ATRNL1: variants seen among roughly 807,000 people sequenced by gnomAD.
ATRNL1 encodes the protein attractin like 1.
In ATRNL1, 95 loss-of-function variants were observed where a neutral mutation model predicts 182.7. The observed-to-expected ratio is 0.52, with a 90% CI of 0.44 to 0.62. The LOEUF (loss-of-function observed/expected upper bound fraction) is 0.62. Among genes scored for constraint, ATRNL1 ranks in the 20% least tolerant of loss-of-function variants. The pLI is 0.00. For missense variants in ATRNL1, 1,471 were observed against 1,679.5 expected (o/e 0.88, Z 2.17); for synonymous variants, 576 against 568.3 (o/e 1.01, Z -0.19).
intron 26 of ATRNL1, among the ~76,000 whole-genome samples, chr10:115,644,402 C>A (rs190746567): frequency 3.3e-5 from 5 of 152,234 alleles, no homozygotes; most frequent in African/African-American, 1.2e-4. Flanking sequence ...GTTCTCACGA[C>A]AATATTGTAT....
intron 19 of ATRNL1, among the ~76,000 whole-genome samples, chr10:115,349,301 A>G (rs1554940597): frequency 6.6e-6 from 1 of 152,198 alleles, no homozygotes; most frequent in Non-Finnish European, 1.5e-5. Context: ...CATTCTTTTT[A>G]ATGGTGGAAT....
At chr10:115,513,023 A>G (rs2065825) in intron 24 of ATRNL1, among the ~76,000 whole-genome samples, 64,349 of 151,822 alleles carry the variant, frequency 0.42, 14,648 homozygotes, top group Middle Eastern at 0.55. Flanking sequence ...TTCTTAAAAC[A>G]TTATGAGATT....
In ATRNL1 at chr10:115,493,483, T is replaced by A. The variant is rs570177591; in HGVS notation, c.3654+24154T>A. 4.6e-5 allele frequency among the ~76,000 whole-genome samples: 7 copies of A among 152,356 alleles called. No individual in the cohort carries two copies. The South Asian group carries it at 1.5e-3, about 32-fold the overall frequency. On this transcript the variant is annotated intron_variant, in intron 24 of 28. Transcript: ENST00000355044. ...TGGCTGTATAGTATTCTATAGTGTA[T>A]ACGTACCACTTTTTCTTTATCCAGC...
chr10:115,237,659 C>G (rs1277843567), intron 9 of ATRNL1, among the ~76,000 whole-genome samples: 3 of 152,118 alleles, frequency 2.0e-5, no homozygotes, highest in Non-Finnish European at 2.9e-5. Flanking sequence ...AATATGTTCT[C>G]CCAGACTGTG....
chr10:115,900,293 A>C (rs907918809), intron 28 of ATRNL1, among the ~76,000 whole-genome samples: 3 of 149,308 alleles, frequency 2.0e-5, no homozygotes, highest in Non-Finnish European at 4.4e-5. Context: ...AGGTAATATC[A>C]TAAAACATTT....
chr10:115,148,604 A>C (rs547952034), intron 5 of ATRNL1, among the ~76,000 whole-genome samples: 20 of 152,292 alleles, frequency 1.3e-4, no homozygotes, highest in African/African-American at 4.8e-4. Flanking sequence ...GTTGTCTCGC[A>C]CTAAGGAAAT....
intron 26 of ATRNL1, among the ~76,000 whole-genome samples, chr10:115,665,726 G>T (rs1860961334): frequency 6.6e-6 from 1 of 152,126 alleles, no homozygotes; most frequent in Admixed American, 6.6e-5. Flanking sequence ...TTTGACCACT[G>T]TTGCTCATCC....
intron 3 of ATRNL1, among the ~76,000 whole-genome samples, chr10:115,125,950 T>G (rs1264061893): frequency 6.6e-6 from 1 of 152,262 alleles, no homozygotes; most frequent in Non-Finnish European, 1.5e-5. Context: ...TTTTACTAGA[T>G]TTCAGTTGGT....
intron 15 of ATRNL1, among the ~76,000 whole-genome samples, chr10:115,287,359 T>C (rs1554919288): frequency 1.3e-5 from 2 of 152,076 alleles, no homozygotes; most frequent in African/African-American, 4.8e-5. Flanking sequence ...TTACAATTTT[T>C]ACTATTTCCA....
intron 27 of ATRNL1, among the ~76,000 whole-genome samples, chr10:115,737,277 C>G (rs1383396956): frequency 1.3e-5 from 2 of 149,770 alleles, no homozygotes; most frequent in African/African-American, 2.5e-5. Context: ...CATCCCCCCC[C>G]CCCAAAAAAA....
At position 115,944,998 on chromosome 10, in the gene ATRNL1, A is replaced by G. The variant is rs1953843861; in HGVS notation, c.*219A>G. 1 of 371,784 alleles carries G rather than the reference A, an allele frequency of 2.7e-6. No individual in the cohort carries two copies. The allele number at this position is 371,784 out of a possible 1,614,324, so 23.0% of individuals were successfully genotyped here. The stretch of plus-strand genomic sequence containing the variant: ...GGTGATAAAGTCAGTTTTTACCACT[A>G]TCTTAGGCTTATTATAGCTAACATT... On this transcript the variant is annotated 3_prime_UTR_variant, in exon 29 of 29. Coordinates refer to ENST00000355044, the MANE Select transcript of ATRNL1 (RefSeq NM_207303.4).
chr10:115,108,354 A>T (rs1268646074), intron 1 of ATRNL1, among the ~76,000 whole-genome samples: 1 of 152,154 alleles, frequency 6.6e-6, no homozygotes, highest in African/African-American at 2.4e-5. Context: ...GGACACACAC[A>T]AGGGGTTTAG....
chr10:115,126,301 G>T (rs1243134375), intron 3 of ATRNL1, among the ~76,000 whole-genome samples: 1 of 152,070 alleles, frequency 6.6e-6, no homozygotes, highest in East Asian at 1.9e-4. Context: ...CTCGTTATCC[G>T]CCTGCCTCCA....
chr10:115,944,744 A>G lies in ATRNL1; in HGVS notation c.4105A>G (p.Lys1369Glu), dbSNP rs1555125090. ...TAAGACTTCTGGAGTCCGGAATCGA[A>G]AACACCTTTCAACACGTCAAGGAAC... is the stretch of plus-strand genomic sequence containing the variant. ...KDKTSGVRNR[K>E]HLSTRQGTCV The change falls in exon 29 of 29, where the codon AAA becomes GAA. Residue 1369 changes from lysine to glutamate, a missense_variant. Transcript: ENST00000355044. 11 of 1,613,762 alleles carry G rather than the reference A, an allele frequency of 6.8e-6. No homozygotes were observed. Among genetic ancestry groups the G allele is most frequent in the Non-Finnish European group, 9.3e-6 (11 of 1,179,742 alleles).
At chr10:115,809,214 C>T (rs1949991695) in intron 27 of ATRNL1, among the ~76,000 whole-genome samples, 1 of 152,072 alleles carries the variant, frequency 6.6e-6, no homozygotes, top group Non-Finnish European at 1.5e-5. Flanking sequence ...ACCAATCCCA[C>T]AATGTCTTGG....
intron 24 of ATRNL1, among the ~76,000 whole-genome samples, chr10:115,505,082 C>T (rs1300050194): frequency 6.6e-6 from 1 of 151,980 alleles, no homozygotes; most frequent in Non-Finnish European, 1.5e-5. Context: ...GACAAAAAGT[C>T]TGGTGGTGCT....
At chr10:115,485,609 C>G (rs1324217593) in intron 24 of ATRNL1, among the ~76,000 whole-genome samples, 3 of 151,932 alleles carry the variant, frequency 2.0e-5, no homozygotes, top group African/African-American at 7.3e-5. Flanking sequence ...AATTTTGTAT[C>G]CTTTAACCAG....
At chr10:115,680,000 A>C (rs1945996285) in intron 26 of ATRNL1, among the ~76,000 whole-genome samples, 1 of 152,144 alleles carries the variant, frequency 6.6e-6, no homozygotes. Flanking sequence ...ACTTTATCAA[A>C]GACAACATTT....
At chr10:115,596,287 G>A (rs1555013927) in intron 26 of ATRNL1, among the ~76,000 whole-genome samples, 1 of 152,008 alleles carries the variant, frequency 6.6e-6, no homozygotes, top group African/African-American at 2.4e-5. Context: ...TGTACTTTTA[G>A]TAGATGCAGG....
Sources: gnomAD v4.1 joint callset for allele counts (sites outside exome capture counted in the v4.1 genomes callset) on GRCh38, gnomAD v4.1.1 for gene constraint, MANE v1.5 for transcripts, NCBI Gene and HGNC (gene_info 2026-07-23, HGNC 2026-07-21) for gene names.